The following MAML3 variants were observed in gnomAD, a reference collection of about 807,000 sequenced individuals.
The protein encoded by MAML3 is mastermind-like protein 3.
A neutral mutation model predicts 101.9 loss-of-function variants in MAML3; 27 were observed. The observed-to-expected ratio is 0.27, with a 90% confidence interval of 0.20 to 0.37. The LOEUF is 0.37. Ranked by LOEUF, MAML3 falls within the 10% of genes least tolerant of loss-of-function variation. The pLI is 1.00. For synonymous variants in MAML3, 501 were observed against 555.9 expected (o/e 0.90, Z 1.39); for missense variants, 1,316 against 1,444.9 (o/e 0.91, Z 1.45).
At chr4:140,079,436 G>C (rs1727830400) in intron 1 of MAML3, among the ~76,000 whole-genome samples, 1 of 152,056 alleles carries the variant, frequency 6.6e-6, no homozygotes, top group Admixed American at 6.6e-5. Flanking sequence ...TGGGATTACA[G>C]GCACCCACCA....
At chr4:140,031,893 T>C (rs893511516) in intron 1 of MAML3, among the ~76,000 whole-genome samples, 1 of 152,234 alleles carries the variant, frequency 6.6e-6, no homozygotes, top group African/African-American at 2.4e-5. Flanking sequence ...CCTACGTTTC[T>C]ATTTCCAGCC....
chr4:139,927,498 A>G (rs1467573132), intron 1 of MAML3, among the ~76,000 whole-genome samples: 2 of 152,194 alleles, frequency 1.3e-5, no homozygotes, highest in Admixed American at 6.5e-5. Flanking sequence ...CACTAATTTT[A>G]GCACCAATCT....
At chr4:139,803,689 T>G (rs542645829) in intron 2 of MAML3, among the ~76,000 whole-genome samples, 1 of 152,256 alleles carries the variant, frequency 6.6e-6, no homozygotes, top group South Asian at 2.1e-4. Context: ...ATGATGAAAA[T>G]AATAACACCA....
chr4:139,833,282 G>C (rs1353480632), intron 2 of MAML3, among the ~76,000 whole-genome samples: 1 of 152,236 alleles, frequency 6.6e-6, no homozygotes, highest in Non-Finnish European at 1.5e-5. Context: ...CCGCGTGGAA[G>C]CGCCTAGAGC....
chr4:139,807,176 G>T (rs532026070), intron 2 of MAML3, among the ~76,000 whole-genome samples: 1 of 152,036 alleles, frequency 6.6e-6, no homozygotes, highest in Admixed American at 6.6e-5. Flanking sequence ...GCCATTTATC[G>T]TTCTCTAAAC....
At position 140,069,419 on chromosome 4, in the gene MAML3, G is replaced by GCA. The variant is rs1560883626; in HGVS notation, c.468+83440_468+83441insTG. 3.0e-3 allele frequency among the ~76,000 whole-genome samples: 221 copies of GCA among 74,050 alleles called. 12 individuals carry two copies. Among genetic ancestry groups the GCA allele is most frequent in the African/African-American group, 0.012 (206 of 16,748 alleles). 48.6% of individuals were successfully genotyped at this position (74,050 alleles called of 152,430 possible). On this transcript the variant is annotated intron_variant, in intron 1 of 4. Coordinates refer to ENST00000509479, the MANE Select transcript of MAML3 (RefSeq NM_018717.5). Reference sequence around the variant, plus strand: ...AGGAGGAGGAGGAGGAGGAGGAGGAGGGGAAGGAGGAGAAGGAGGAGAAGG... The same window carrying GCA: ...AGGAGGAGGAGGAGGAGGAGGAGGAGCAGGGAAGGAGGAGAAGGAGGAGAAGG...
At chr4:139,929,678 A>C (rs1039743147) in intron 1 of MAML3, among the ~76,000 whole-genome samples, 1 of 152,228 alleles carries the variant, frequency 6.6e-6, no homozygotes, top group African/African-American at 2.4e-5. Flanking sequence ...TCTGTCTTTC[A>C]GGCTCAAGAA....
intron 2 of MAML3, among the ~76,000 whole-genome samples, chr4:139,805,737 AT>A (rs1730689791): frequency 6.6e-6 from 1 of 152,182 alleles, no homozygotes; most frequent in African/African-American, 2.4e-5. Flanking sequence ...AATTTAATAA[AT>A]TTTTTATAGT....
intron 1 of MAML3, among the ~76,000 whole-genome samples, chr4:140,112,501 G>T (rs1298412963): frequency 6.6e-6 from 1 of 152,228 alleles, no homozygotes; most frequent in Non-Finnish European, 1.5e-5. Context: ...CTTTTTCCAT[G>T]TGCTCACTTG....
At chr4:139,979,097 G>A (rs72712556) in intron 1 of MAML3, among the ~76,000 whole-genome samples, 34,599 of 151,784 alleles carry the variant, frequency 0.23, 5,028 homozygotes, top group Non-Finnish European at 0.32. Context: ...TGTATTAGGT[G>A]TTACACCTGC....
Position 139,890,910 on chromosome 4 carries a change from G to T in MAML3, c.526C>A (p.Gln176Lys), listed in dbSNP as rs1262489930. The change falls in exon 2 of 5, where the codon CAG becomes AAG. Residue 176 changes from glutamine (Q) to lysine (K), a missense_variant. Gln to Lys is a moderately conservative substitution (Grantham distance 53). Transcript: ENST00000509479. The surrounding 1 kb of genome is among the most constrained non-coding windows in gnomAD (Gnocchi z 4.1). Reference sequence around the variant, plus strand: ...TTCCCATCACAAGCACCATTCTGCTGGTCTCCATTAAGTGGTGATCGAGCT... The same window carrying T: ...TTCCCATCACAAGCACCATTCTGCTTGTCTCCATTAAGTGGTGATCGAGCT... Reference protein sequence around the residue: ...EGARSPLNGDQQNGACDGNFS... With the variant: ...EGARSPLNGDKQNGACDGNFS... 6.2e-7 allele frequency: 1 copy of T among 1,613,506 alleles called. No individual in the cohort carries two copies. The highest frequency in any genetic ancestry group is 1.6e-4 in the Middle Eastern group (1 of 6,062).
chr4:139,756,911 A>G (rs1729664499), intron 2 of MAML3, among the ~76,000 whole-genome samples: 1 of 152,162 alleles, frequency 6.6e-6, no homozygotes, highest in Non-Finnish European at 1.5e-5. Context: ...ATATGAATGC[A>G]TGACTAAGTC....
At position 140,068,032 on chromosome 4, in the gene MAML3, T is replaced by C. The variant is rs181721417; in HGVS notation, c.468+84828A>G. ...AGACGTGAGCCACCGCACCTGGCAA[T>C]CTTAACCTTTCTTAATCTGCTTTTT... On this transcript the variant is annotated intron_variant, in intron 1 of 4. Transcript: ENST00000509479. Among the ~76,000 whole-genome samples the C allele has an allele frequency of 3.3e-4, 50 of 152,216 alleles. No homozygotes were observed. The East Asian group carries it at 4.8e-3, about 15-fold the overall frequency.
At chr4:139,795,012 C>G (rs1238131834) in intron 2 of MAML3, among the ~76,000 whole-genome samples, 14 of 152,166 alleles carry the variant, frequency 9.2e-5, no homozygotes, top group Non-Finnish European at 2.9e-5. Context: ...TCTGCTTAGA[C>G]AGTGACTGAG....
intron 2 of MAML3, among the ~76,000 whole-genome samples, chr4:139,752,207 G>A (rs1238077820): frequency 6.6e-6 from 1 of 152,100 alleles, no homozygotes; most frequent in Non-Finnish European, 1.5e-5. Context: ...CTCACGTTAC[G>A]TACTACTAGA....
chr4:140,071,483 CCT>C (rs997379260), intron 1 of MAML3, among the ~76,000 whole-genome samples: 7 of 152,224 alleles, frequency 4.6e-5, no homozygotes, highest in African/African-American at 1.7e-4. Context: ...TCCCATTAAC[CCT>C]GTTAGTTTTA....
intron 1 of MAML3, among the ~76,000 whole-genome samples, chr4:140,150,610 C>A (rs1729141793): frequency 6.6e-6 from 1 of 152,192 alleles, no homozygotes; most frequent in Non-Finnish European, 1.5e-5. Flanking sequence ...CCGAAAGGAG[C>A]CCATTTCTCC....
At chr4:140,124,200 T>C (rs1439838689) in intron 1 of MAML3, among the ~76,000 whole-genome samples, 1 of 152,220 alleles carries the variant, frequency 6.6e-6, no homozygotes, top group African/African-American at 2.4e-5. Context: ...TTGAGGCTTC[T>C]TGAACATCTA....
In MAML3 at chr4:139,811,039, T is replaced by C. The variant is rs1484000426; in HGVS notation, c.2079+78318A>G. On this transcript the variant is annotated intron_variant, in intron 2 of 4. Coordinates refer to ENST00000509479, the MANE Select transcript of MAML3 (RefSeq NM_018717.5). ...TTCTGTGACCTTGAGATAACAAGCATGAGGATAAAAGCCATGCATTGGGTA... is the reference window on the plus strand; with the variant it reads ...TTCTGTGACCTTGAGATAACAAGCACGAGGATAAAAGCCATGCATTGGGTA... Among the ~76,000 whole-genome samples the C allele has an allele frequency of 4.6e-5, 7 of 152,354 alleles. No homozygotes were observed. The East Asian group carries it at 9.6e-4, about 21-fold the overall frequency.
Sources: gnomAD v4.1 joint callset for allele counts (sites outside exome capture counted in the v4.1 genomes callset) on GRCh38, gnomAD v4.1.1 for gene constraint, Gnocchi (gnomAD v3.1) non-coding constraint, MANE v1.5 for transcripts, NCBI Gene and HGNC (gene_info 2026-07-23, HGNC 2026-07-21) for gene names.